TK2: variants seen among roughly 807,000 people sequenced by gnomAD.
The protein encoded by TK2 is thymidine kinase 2.
Under a neutral mutation model 41.9 loss-of-function variants are expected in TK2, and 35 were observed. That is an observed-to-expected ratio of 0.84 (90% confidence interval 0.64 to 1.11). The LOEUF (loss-of-function observed/expected upper bound fraction) is 1.11, where lower values mean the gene tolerates loss of function less well. Ranked by LOEUF, TK2 falls within the 50% of genes least tolerant of loss-of-function variation. TK2 has a pLI of 0.00. For synonymous variants in TK2, 128 were observed against 129.1 expected (o/e 0.99, Z 0.06); for missense variants, 320 against 351.1 (o/e 0.91, Z 0.71).
In TK2 at chr16:66,517,091, G is replaced by A. The variant is rs917199953; in HGVS notation, c.618+45C>T. On this transcript the variant is annotated intron_variant, in intron 8 of 9. Transcript: ENST00000544898. This position sits in a 1 kb window ranked among gnomAD's most constrained non-coding sequence, Gnocchi z 4.3. ...GGAGAGGAAGCCGGGTTGGACAGAG[G>A]TGGTTTCCCAGTTTGTCTTTAACCA... 5 of 1,566,216 alleles carry A rather than the reference G, an allele frequency of 3.2e-6. No individual in the cohort carries two copies. The highest frequency in any genetic ancestry group is 1.7e-4 in the Middle Eastern group (1 of 5,904).
At chr16:66,518,253 G>A (rs1964675337) in intron 6 of TK2, 1 of 321,094 alleles carries the variant, frequency 3.1e-6, no homozygotes, top group South Asian at 2.6e-5. Context: ...GTGGACCAGG[G>A]TGGTGGCTTA....
upstream of TK2, chr16:66,550,269 G>T: frequency 6.3e-7 from 1 of 1,591,830 alleles, no homozygotes; most frequent in Non-Finnish European, 8.5e-7. Context: ...TAGGACGCTG[G>T]CAGAACGCAC....
chr16:66,542,239 G>A (rs988243567), intron 2 of TK2, among the ~76,000 whole-genome samples: 9 of 152,112 alleles, frequency 5.9e-5, no homozygotes, highest in Non-Finnish European at 1.3e-4. Flanking sequence ...GCCCAGCTCT[G>A]CCCTTCCTTA....
At chr16:66,531,933 G>A (rs1965127145) in intron 4 of TK2, among the ~76,000 whole-genome samples, 1 of 152,018 alleles carries the variant, frequency 6.6e-6, no homozygotes, top group Non-Finnish European at 1.5e-5. Context: ...CATAAAGATG[G>A]CAACAATAGA....
At chr16:66,537,169 A>T (rs1365571016) in intron 3 of TK2, 152 bp from the exon 4 acceptor site, 9 of 827,568 alleles carry the variant, frequency 1.1e-5, no homozygotes, top group Non-Finnish European at 1.6e-5. Flanking sequence ...AATAGCTGAC[A>T]ACCCCCGTGA....
intron 9 of TK2, 105 bp from the exon 10 acceptor site, chr16:66,512,171 G>C (rs1964471281): frequency 9.9e-7 from 1 of 1,006,168 alleles, no homozygotes. Flanking sequence ...GGGCAGGGAA[G>C]GGCACAGAAG....
At chr16:66,547,424 T>C (rs1237980373) in intron 2 of TK2, among the ~76,000 whole-genome samples, 2 of 152,126 alleles carry the variant, frequency 1.3e-5, no homozygotes, top group African/African-American at 4.8e-5. Flanking sequence ...TCTCAGTCCC[T>C]CTGCACCTAT....
chr16:66,513,980 CACACT>C, intron 8 of TK2, 169 bp from the exon 9 acceptor site: 1 of 693,580 alleles, frequency 1.4e-6, no homozygotes, highest in Non-Finnish European at 2.6e-6. Flanking sequence ...GACGCAGCCA[CACACT>C]CGGTGGCCAG....
intron 6 of TK2, among the ~76,000 whole-genome samples, chr16:66,526,067 G>A (rs1411317770): frequency 6.6e-6 from 1 of 152,140 alleles, no homozygotes. Context: ...ATGGGCGTGA[G>A]TTACCAAAGC....
intron 9 of TK2, among the ~76,000 whole-genome samples, chr16:66,512,731 C>T (rs1445710684): frequency 4.6e-5 from 7 of 152,132 alleles, no homozygotes; most frequent in African/African-American, 9.7e-5. Context: ...TGCAGCGAGC[C>T]GAGATTGCGT....
chr16:66,527,080 G>C (rs1427348918), intron 6 of TK2, among the ~76,000 whole-genome samples: 1 of 152,180 alleles, frequency 6.6e-6, no homozygotes, highest in African/African-American at 2.4e-5. Context: ...AGGTGCTAAG[G>C]AGCAGGAGCT....
chr16:66,532,605 G>GA (rs112033316), intron 4 of TK2, among the ~76,000 whole-genome samples: 10 of 144,946 alleles, frequency 6.9e-5, no homozygotes, highest in African/African-American at 1.8e-4. Context: ...ACCCTGTCTC[G>GA]AAAAAAAAAA....
intron 9 of TK2, among the ~76,000 whole-genome samples, chr16:66,512,365 CCAGCCTGGGCAACA>C (rs555657107): frequency 1.0e-3 from 159 of 152,290 alleles, no homozygotes; most frequent in African/African-American, 3.6e-3. Context: ...GAGTTTGAGA[CCAGCCTGGGCAACA>C]CAGTGAGACC....
chr16:66,516,056 T>C (rs1964603241), intron 8 of TK2, among the ~76,000 whole-genome samples: 1 of 152,134 alleles, frequency 6.6e-6, no homozygotes, highest in Admixed American at 6.5e-5. Flanking sequence ...CCAAGGCACA[T>C]GCAGAGGACA....
At chr16:66,538,191 C>T (rs536381960) in intron 3 of TK2, among the ~76,000 whole-genome samples, 57 of 151,930 alleles carry the variant, frequency 3.8e-4, no homozygotes, top group Non-Finnish European at 7.4e-4. Flanking sequence ...AATCACCCCC[C>T]ACCCTTCACT....
chr16:66,531,573 G>T (rs542454642), intron 4 of TK2, 104 bp from the exon 5 acceptor site: 1 of 1,087,816 alleles, frequency 9.2e-7, no homozygotes, highest in East Asian at 2.5e-5. Context: ...ACACAGGCAG[G>T]GTTGGGGCTG....
intron 8 of TK2, among the ~76,000 whole-genome samples, chr16:66,516,324 T>C (rs2144350682): frequency 6.6e-6 from 1 of 152,306 alleles, no homozygotes; most frequent in East Asian, 1.9e-4. Flanking sequence ...TGTGGTTGTT[T>C]GTGTGTGGCC....
In TK2 at chr16:66,529,056, T is replaced by C. The variant is rs1965025532; in HGVS notation, c.387A>G (p.Val129=). 1 of 1,613,914 alleles carries C rather than the reference T, an allele frequency of 6.2e-7. No homozygotes were observed. The highest frequency in any genetic ancestry group is 8.5e-7 in the Non-Finnish European group (1 of 1,180,026). ...DRHTRPQVSS[V]RLMERSIHSA... is the part of the protein sequence containing the mutation. ...TGTGAATCGACCTCTCCATCAACCG[T>C]ACAGATGACACCTAAAGGAAAACAA... is the stretch of plus-strand genomic sequence containing the variant. The change falls in exon 6 of 10, where the codon GTA becomes GTG. Residue 129 remains valine (V), a synonymous_variant. Transcript: ENST00000544898.
chr16:66,533,620 A>G (rs946963089), intron 4 of TK2, among the ~76,000 whole-genome samples: 2 of 152,180 alleles, frequency 1.3e-5, no homozygotes, highest in Non-Finnish European at 2.9e-5. Context: ...CATCTTTAAC[A>G]AATAATACTT....
Sources: allele counts gnomAD v4.1 joint callset (sites outside exome capture counted in the v4.1 genomes callset), GRCh38; gene constraint gnomAD v4.1.1; non-coding constraint Gnocchi (gnomAD v3.1); transcripts MANE v1.5; gene names NCBI Gene and HGNC (gene_info 2026-07-23, HGNC 2026-07-21).